NUP210: variants seen among roughly 807,000 people sequenced by gnomAD.
NUP210 encodes nucleoporin 210.
Under a neutral mutation model 196.0 loss-of-function variants are expected in NUP210, and 151 were observed. The observed-to-expected ratio is 0.77, with a 90% CI of 0.67 to 0.88. The LOEUF (loss-of-function observed/expected upper bound fraction) is 0.88. Ranked by LOEUF, NUP210 falls within the 40% of genes least tolerant of loss-of-function variation. NUP210 has a pLI of 0.00. For synonymous variants in NUP210, 1,070 were observed against 1,052.7 expected (o/e 1.02, Z -0.32); for missense variants, 2,314 against 2,493.7 (o/e 0.93, Z 1.53).
At position 13,343,190 on chromosome 3, in the gene NUP210, G is replaced by A. The variant is rs778257791; in HGVS notation, c.2949C>T (p.Ile983=). The A allele has an allele frequency of 2.5e-6, 4 of 1,614,200 alleles. No individual in the cohort carries two copies. The highest frequency in any genetic ancestry group is 4.5e-5 in the East Asian group (2 of 44,884). ...TTCCACTGACCTTGTCAACCACACG[G>A]ATGTACAGCTCCTGAATGTCCGACA... ...VYVSDIQELY[I]RVVDKVEIGK... Residue 983 remains isoleucine (I), a synonymous_variant, in exon 21 of 40, where the codon ATC becomes ATT. Transcript: ENST00000254508.
At chr3:13,325,373 C>A (rs652613) in intron 33 of NUP210, among the ~76,000 whole-genome samples, 2 of 152,032 alleles carry the variant, frequency 1.3e-5, no homozygotes, top group African/African-American at 4.8e-5. Context: ...GCCAGACTTG[C>A]CCCACTGATT....
chr3:13,327,556 G>T, intron 31 of NUP210, 119 bp from the exon 32 acceptor site: 1 of 756,074 alleles, frequency 1.3e-6, no homozygotes, highest in Non-Finnish European at 2.2e-6. Flanking sequence ...TGAGGTCCCA[G>T]GTGTGGCCCC....
In NUP210 at chr3:13,332,331, T is replaced by C; in HGVS notation, c.3897A>G (p.Leu1299=). Residue 1299 remains leucine, a synonymous_variant, in exon 29 of 40, where the codon TTA becomes TTG. Coordinates refer to ENST00000254508, the MANE Select transcript of NUP210 (RefSeq NM_024923.4). ...GCTTTATATATGAGTTGGGCGACAT[T>C]AATATTTGTTCTGCTTCTATTTCAG... ...LNPEIEAEQI[L]MSPNSYIKLQ... 1.2e-6 allele frequency: 2 copies of C among 1,613,888 alleles called. No individual in the cohort carries two copies. The highest frequency in any genetic ancestry group is 8.5e-7 in the Non-Finnish European group (1 of 1,179,822).
chr3:13,319,109 G>A lies in NUP210; in HGVS notation c.5526C>T (p.Ala1842=), dbSNP rs1267446693. The A allele has an allele frequency of 1.2e-6, 2 of 1,608,798 alleles. No individual in the cohort carries two copies. Among genetic ancestry groups the A allele is most frequent in the African/African-American group, 1.3e-5 (1 of 74,982 alleles). The part of the protein sequence containing the change: ...CTPRDLAVPA[A]LTPRASPGHS... ...GTCCAGGGCTGGCTCGAGGCGTGAGGGCTGCAGGCACAGCAAGATCCCGGG... is the reference window on the plus strand; with the variant it reads ...GTCCAGGGCTGGCTCGAGGCGTGAGAGCTGCAGGCACAGCAAGATCCCGGG... Residue 1842 remains alanine, a synonymous_variant, in exon 39 of 40, where the codon GCC becomes GCT. Coordinates refer to ENST00000254508, the MANE Select transcript of NUP210 (RefSeq NM_024923.4).
intron 3 of NUP210, among the ~76,000 whole-genome samples, chr3:13,392,050 ACTC>A (rs1324135750): frequency 9.9e-5 from 15 of 151,548 alleles, no homozygotes; most frequent in Admixed American, 9.9e-4. Flanking sequence ...GCCATGCCAC[ACTC>A]CTCACCAGCC....
rs199614037 is a variant in NUP210, at chr3:13,339,845, G to A, written c.3471+9C>T. 1.2e-5 allele frequency: 19 copies of A among 1,607,882 alleles called. No individual in the cohort carries two copies. In the East Asian group the frequency reaches 1.3e-4, roughly 11 times the overall value. On this transcript the variant is annotated intron_variant, in intron 25 of 39. Transcript: ENST00000254508. ...ACAGCTGCCCAGTCTCCAATAGCAC[G>A]CCTGTTACCTGAGAGATGATGACCA...
chr3:13,356,081 C>T (rs1013333979), intron 16 of NUP210, among the ~76,000 whole-genome samples: 2 of 152,198 alleles, frequency 1.3e-5, no homozygotes, highest in Admixed American at 6.5e-5. Context: ...AATCTGGGGA[C>T]AGCCCCATTC....
chr3:13,352,241 G>T (rs433521), intron 18 of NUP210, 57 bp from the exon 19 acceptor site: 1 of 1,322,792 alleles, frequency 7.6e-7, no homozygotes, highest in Non-Finnish European at 1.1e-6. Flanking sequence ...GCTGCCCCTC[G>T]GGAAGAACAG....
At position 13,319,081 on chromosome 3, in the gene NUP210, T is replaced by G. The variant is rs1318938699; in HGVS notation, c.5554A>C (p.Ser1852Arg). 1.9e-6 allele frequency: 3 copies of G among 1,603,676 alleles called. No homozygotes were observed. Among genetic ancestry groups the G allele is most frequent in the Admixed American group, 3.5e-5 (2 of 57,834 alleles). Residue 1852 changes from serine to arginine, a missense_variant, in exon 39 of 40, where the codon AGC becomes CGC. Transcript: ENST00000254508. ...ALTPRASPGH[S>R]PHYFAASSPT... ...CAGGGGGGCTACTCACAGTGGGGGC[T>G]GTGTCCAGGGCTGGCTCGAGGCGTG...
intron 14 of NUP210, among the ~76,000 whole-genome samples, chr3:13,365,242 C>G (rs1160175309): frequency 1.3e-5 from 2 of 152,236 alleles, no homozygotes; most frequent in Non-Finnish European, 2.9e-5. Context: ...TGCACTACCC[C>G]CTAGACTGTG....
At chr3:13,365,907 T>C in intron 14 of NUP210, 39 bp downstream of exon 14, 1 of 1,606,718 alleles carries the variant, frequency 6.2e-7, no homozygotes, top group Admixed American at 1.7e-5. Context: ...TGGGAAGGAG[T>C]GGGCAGGGGG....
At chr3:13,356,092 A>G (rs1024640783) in intron 16 of NUP210, among the ~76,000 whole-genome samples, 2 of 152,138 alleles carry the variant, frequency 1.3e-5, no homozygotes, top group Non-Finnish European at 2.9e-5. Flanking sequence ...AGCCCCATTC[A>G]AGCCCCTAAT....
intron 6 of NUP210, among the ~76,000 whole-genome samples, chr3:13,384,329 T>C (rs1310660500): frequency 1.3e-5 from 2 of 152,232 alleles, no homozygotes; most frequent in Non-Finnish European, 2.9e-5. Flanking sequence ...GAAATTCCAA[T>C]TGATCCTACA....
intron 34 of NUP210, among the ~76,000 whole-genome samples, chr3:13,322,672 C>CTT (rs1406461077): frequency 6.6e-6 from 1 of 152,268 alleles, no homozygotes; most frequent in African/African-American, 2.4e-5. Context: ...CGGCAATTTA[C>CTT]TTCTGCACAT....
chr3:13,320,331 G>A (rs532106877), intron 36 of NUP210, among the ~76,000 whole-genome samples: 1 of 152,268 alleles, frequency 6.6e-6, no homozygotes, highest in African/African-American at 2.4e-5. Context: ...ATCAACTGCT[G>A]CTTACAAAAA....
chr3:13,353,518 C>T, intron 18 of NUP210, 36 bp downstream of exon 18: 4 of 1,544,608 alleles, frequency 2.6e-6, no homozygotes, highest in East Asian at 2.2e-5. Context: ...TGCCCCGCTA[C>T]CCATAGCCCA....
Position 13,397,362 on chromosome 3 carries a change from G to A in NUP210, c.431C>T (p.Ser144Phe), listed in dbSNP as rs1268917250. The A allele has an allele frequency of 1.2e-6, 2 of 1,609,330 alleles. No individual in the cohort carries two copies. Among genetic ancestry groups the A allele is most frequent in the Non-Finnish European group, 1.7e-6 (2 of 1,178,446 alleles). ...CAGGCAGGGGACGTTCTCACCTTCG[G>A]AGTCCAGGGCCTGGATCTTCAGCTC... The part of the protein sequence containing the change: ...PLELKIQALD[S>F]EGNTFSTLAG... The change falls in exon 3 of 40, where the codon TCC (serine) becomes TTC (phenylalanine). Residue 144 changes from serine (S) to phenylalanine (F), a missense_variant. Physicochemically the swap from Ser to Phe is radical, Grantham distance 155. Coordinates refer to ENST00000254508, the MANE Select transcript of NUP210 (RefSeq NM_024923.4).
intron 1 of NUP210, among the ~76,000 whole-genome samples, chr3:13,414,043 T>G (rs1056600747): frequency 2.6e-5 from 4 of 152,220 alleles, no homozygotes; most frequent in Non-Finnish European, 5.9e-5. Flanking sequence ...GCACTGCTTT[T>G]GAGGGGGTGC....
In NUP210 at chr3:13,378,957, T is replaced by C; in HGVS notation, c.1000A>G (p.Arg334Gly). 1 of 1,614,080 alleles carries C rather than the reference T, an allele frequency of 6.2e-7. No homozygotes were observed. Among genetic ancestry groups the C allele is most frequent in the Non-Finnish European group, 8.5e-7 (1 of 1,179,952 alleles). The stretch of plus-strand genomic sequence containing the variant: ...ACGTAGATAGTGCTGTTGGGTAACC[T>C]AGAAGCACCTTGCATGCGAATACCT... Reference protein sequence around the residue: ...HRSIRMQGASRLPNSTIYVVE... With the variant: ...HRSIRMQGASGLPNSTIYVVE... Residue 334 changes from arginine to glycine, a missense_variant, in exon 8 of 40, where the codon AGG becomes GGG. Arg to Gly is a moderately radical substitution (Grantham distance 125). Transcript: ENST00000254508.
Sources: gnomAD v4.1 joint callset for allele counts (sites outside exome capture counted in the v4.1 genomes callset) on GRCh38, gnomAD v4.1.1 for gene constraint, MANE v1.5 for transcripts, NCBI Gene and HGNC (gene_info 2026-07-23, HGNC 2026-07-21) for gene names.